The following CELSR1 variants were observed in gnomAD, a reference collection of about 807,000 sequenced individuals.
CELSR1 encodes cadherin EGF LAG seven-pass G-type receptor 1.
A neutral mutation model predicts 249.1 loss-of-function variants in CELSR1; 110 were observed. The observed-to-expected ratio is 0.44, with a 90% CI of 0.38 to 0.52. CELSR1 has a LOEUF of 0.52. Ranked by LOEUF, CELSR1 falls within the 20% of genes least tolerant of loss-of-function variation. CELSR1 has a pLI of 0.00. For missense variants in CELSR1, 4,109 were observed against 4,296.4 expected (o/e 0.96, Z 1.22); for synonymous variants, 2,113 against 1,900.0 (o/e 1.11, Z -2.92).
chr22:46,386,663 C>A (rs1186330381), intron 18 of CELSR1, 78 bp from the exon 19 acceptor site: 3 of 1,212,068 alleles, frequency 2.5e-6, no homozygotes, highest in African/African-American at 1.6e-5. Flanking sequence ...GCCCTGAAAG[C>A]CTTTGCTTGC....
intron 1 of CELSR1, among the ~76,000 whole-genome samples, chr22:46,476,868 G>A (rs1382062598): frequency 1.4e-5 from 2 of 140,078 alleles, no homozygotes; most frequent in Non-Finnish European, 3.1e-5. Context: ...GTTGCACATC[G>A]TGAATGTAAC....
rs992295507 is a variant in CELSR1 at position 46,446,161 on chromosome 22, C to T, written c.4184-6750G>A. On this transcript the variant is annotated intron_variant, in intron 2 of 34. Coordinates refer to ENST00000674500, the MANE Select transcript of CELSR1 (RefSeq NM_001378328.1). The surrounding 1 kb of genome is among the most constrained non-coding windows in gnomAD (Gnocchi z 5.5). Reference sequence around the variant, plus strand: ...CCACACCATACTCACGAGCCTGTGCCGGCCCCACTGTCTCCCTCCTCCCAG... The same window carrying T: ...CCACACCATACTCACGAGCCTGTGCTGGCCCCACTGTCTCCCTCCTCCCAG... Among the ~76,000 whole-genome samples the T allele has an allele frequency of 3.9e-5, 6 of 152,182 alleles. No homozygotes were observed. Among genetic ancestry groups the T allele is most frequent in the Non-Finnish European group, 7.4e-5 (5 of 68,026 alleles).
In CELSR1 at chr22:46,413,943, T is replaced by C. The variant is rs1183267405; in HGVS notation, c.4612-2184A>G. Reference sequence around the variant, plus strand: ...GAGACTACTGGAGGAAGGGCGTAAGTAGCATTTACACTGGGAAGGCTTTCA... The same window carrying C: ...GAGACTACTGGAGGAAGGGCGTAAGCAGCATTTACACTGGGAAGGCTTTCA... On this transcript the variant is annotated intron_variant, in intron 5 of 34. Coordinates refer to ENST00000674500, the MANE Select transcript of CELSR1 (RefSeq NM_001378328.1). The surrounding 1 kb of genome is among the most constrained non-coding windows in gnomAD (Gnocchi z 4.7). Among the ~76,000 whole-genome samples the C allele has an allele frequency of 1.3e-5, 2 of 152,164 alleles. No homozygotes were observed. Among genetic ancestry groups the C allele is most frequent in the Non-Finnish European group, 2.9e-5 (2 of 68,044 alleles).
At chr22:46,405,556 A>G (rs1232834599) in intron 9 of CELSR1, among the ~76,000 whole-genome samples, 2 of 152,082 alleles carry the variant, frequency 1.3e-5, no homozygotes, top group Admixed American at 6.6e-5. Flanking sequence ...AAGTGATGTT[A>G]TATCTACAAA....
chr22:46,498,249 CAAAAAAAAAAAAA>C (rs201495106), intron 1 of CELSR1, among the ~76,000 whole-genome samples: 1 of 57,826 alleles, frequency 1.7e-5, no homozygotes, highest in Non-Finnish European at 2.7e-5. Context: ...AACTCTGTCT[CAAAAAAAAAAAAA>C]AAAAAAAAAA....
rs1000436173 is a variant in CELSR1, at chr22:46,381,649, G to C, written c.7088+197C>G. 6.6e-6 allele frequency among the ~76,000 whole-genome samples: 1 copy of C among 152,316 alleles called. No homozygotes were observed. Among genetic ancestry groups the C allele is most frequent in the Non-Finnish European group, 1.5e-5 (1 of 68,022 alleles). ...AGGCAAAGGGTGTGCAATGTTCCAG[G>C]GTGTGGTATCCTGTGGCAGACCCAG... On this transcript the variant is annotated intron_variant, in intron 21 of 34. Coordinates refer to ENST00000674500, the MANE Select transcript of CELSR1 (RefSeq NM_001378328.1). This position sits in a 1 kb window ranked among gnomAD's most constrained non-coding sequence, Gnocchi z 6.0.
In CELSR1 at chr22:46,535,734, C is replaced by G. The variant is rs1673147553; in HGVS notation, c.1437G>C (p.Leu479=). 1 of 1,612,516 alleles carries G rather than the reference C, an allele frequency of 6.2e-7. No homozygotes were observed. The highest frequency in any genetic ancestry group is 1.1e-5 in the South Asian group (1 of 91,070). The change falls in exon 1 of 35, where the codon CTG becomes CTC. Residue 479 remains leucine, a synonymous_variant. Coordinates refer to ENST00000674500, the MANE Select transcript of CELSR1 (RefSeq NM_001378328.1). ...GGTCCCGGTCCGTGGCCTGCACTCG[C>G]AGCACAGCCGTGTTGAGCCCCACGT... The part of the protein sequence containing the change: ...PEDVGLNTAV[L]RVQATDRDQG...
rs558016566 is a variant in CELSR1 at position 46,391,735 on chromosome 22, C to T, written c.6046G>A (p.Asp2016Asn). 16 of 1,612,344 alleles carry T rather than the reference C, an allele frequency of 9.9e-6. No individual in the cohort carries two copies. The East Asian group carries it at 1.1e-4, about 11-fold the overall frequency. The change falls in exon 15 of 35, where the codon GAC becomes AAC. Residue 2016 changes from aspartate to asparagine, a missense_variant. Asp to Asn is a conservative substitution (Grantham distance 23). Coordinates refer to ENST00000674500, the MANE Select transcript of CELSR1 (RefSeq NM_001378328.1). This position sits in a 1 kb window ranked among gnomAD's most constrained non-coding sequence, Gnocchi z 4.3. ...FPHGSHSRTC[D>N]MATGQCACKP... The stretch of plus-strand genomic sequence containing the variant: ...CAGGCACACTGCCCGGTGGCCATGT[C>T]GCAAGTGCGGCTGTGGGAGCCATGG...
In CELSR1 at chr22:46,397,956, C is replaced by G. The variant is rs187737367; in HGVS notation, c.5527-108G>C. The G allele has an allele frequency of 3.2e-6, 3 of 945,262 alleles. No individual in the cohort carries two copies. In the Admixed American group the frequency reaches 1.1e-4, roughly 34 times the overall value. The allele number at this position is 945,262 out of a possible 1,614,324, so 58.6% of individuals were successfully genotyped here. A position where few individuals can be genotyped will look rare whatever the true frequency, so the allele number is the denominator to read the frequency against. ...CCTTGCGAGGCATTCATCTGTGATG[C>G]CTCATTTATCTACAGAGCTGGGGCG... On this transcript the variant is annotated intron_variant, in intron 11 of 34. Coordinates refer to ENST00000674500, the MANE Select transcript of CELSR1 (RefSeq NM_001378328.1).
At position 46,377,271 on chromosome 22, in the gene CELSR1, G is replaced by GC; in HGVS notation, c.7384-11_7384-10insG. The GC allele has an allele frequency of 6.2e-7, 1 of 1,613,584 alleles. No individual in the cohort carries two copies. ...GCAGGACCTCCCCGTTCTATGGGCA[G>GC]GAGGGTTAAAGGCAGGAGAGAAGGT... On this transcript the variant is annotated splice_polypyrimidine_tract_variant and intron_variant, in intron 23 of 34. Coordinates refer to ENST00000674500, the MANE Select transcript of CELSR1 (RefSeq NM_001378328.1).
Position 46,490,093 on chromosome 22 carries a change from A to G in CELSR1, c.3545-25748T>C, listed in dbSNP as rs1444573881. Among the ~76,000 whole-genome samples the G allele has an allele frequency of 6.6e-6, 1 of 152,100 alleles. No homozygotes were observed. Among genetic ancestry groups the G allele is most frequent in the Non-Finnish European group, 1.5e-5 (1 of 68,016 alleles). On this transcript the variant is annotated intron_variant, in intron 1 of 34. Coordinates refer to ENST00000674500, the MANE Select transcript of CELSR1 (RefSeq NM_001378328.1). The surrounding 1 kb of genome is among the most constrained non-coding windows in gnomAD (Gnocchi z 5.2). The stretch of plus-strand genomic sequence containing the variant: ...CAGAGACCCAGTGAGCCGCTTTCTG[A>G]GAACCAACGTTCCCAAGTGCAAAGT...
At position 46,530,693 on chromosome 22, in the gene CELSR1, T is replaced by G. The variant is rs1388497530; in HGVS notation, c.3544+2934A>C. On this transcript the variant is annotated intron_variant, in intron 1 of 34. Coordinates refer to ENST00000674500, the MANE Select transcript of CELSR1 (RefSeq NM_001378328.1). ...TTTTCAAAAAATGTTTTCTCCTTGGTGGGCTACATAAAACCACCAACAACT... is the reference window on the plus strand; with the variant it reads ...TTTTCAAAAAATGTTTTCTCCTTGGGGGGCTACATAAAACCACCAACAACT... Among the ~76,000 whole-genome samples, 3 of 152,374 alleles carry G rather than the reference T, an allele frequency of 2.0e-5. No homozygotes were observed. In the South Asian group the frequency reaches 6.2e-4, roughly 32 times the overall value.
chr22:46,399,733 T>C lies in CELSR1; in HGVS notation c.5396A>G (p.Asp1799Gly), dbSNP rs1172122991. The C allele has an allele frequency of 6.2e-7, 1 of 1,613,960 alleles. No homozygotes were observed. Among genetic ancestry groups the C allele is most frequent in the Non-Finnish European group, 8.5e-7 (1 of 1,179,874 alleles). The change falls in exon 10 of 35, where the codon GAC becomes GGC. Residue 1799 changes from aspartate to glycine, a missense_variant. By Grantham distance (94) the Asp-to-Gly change is moderately conservative (BLOSUM62 -1). Transcript: ENST00000674500. This position sits in a 1 kb window ranked among gnomAD's most constrained non-coding sequence, Gnocchi z 5.0. ...CCAGCTCACCTGGTCCATCCCATAGTCCAAGGTCATGGTGACCAGGTGCTT... is the reference window on the plus strand; with the variant it reads ...CCAGCTCACCTGGTCCATCCCATAGCCCAAGGTCATGGTGACCAGGTGCTT... The part of the protein sequence containing the change: ...EMKHLVTMTL[D>G]YGMDQNKADI...
In CELSR1 at chr22:46,378,596, G is replaced by A. The variant is rs767897444; in HGVS notation, c.7378C>T (p.Arg2460Cys). 30 of 1,570,068 alleles carry A rather than the reference G, an allele frequency of 1.9e-5. No individual in the cohort carries two copies. The highest frequency in any genetic ancestry group is 4.0e-5 in the African/African-American group (3 of 74,160). ...GGCCACGGGAGGATGCCCACCTCACGCCTGGAGATATCCATGAGCACCGCA... is the reference window on the plus strand; with the variant it reads ...GGCCACGGGAGGATGCCCACCTCACACCTGGAGATATCCATGAGCACCGCA... ...SFAVLMDISR[R>C]ENGEVLPLKI... Residue 2460 changes from arginine to cysteine, a missense_variant, in exon 23 of 35, where the codon CGT becomes TGT. Arg to Cys is a radical substitution (Grantham distance 180). Transcript: ENST00000674500.
rs770883912 is a variant in CELSR1, at chr22:46,439,322, C to T, written c.4273G>A (p.Gly1425Ser). The change falls in exon 3 of 35, where the codon GGC becomes AGC. Residue 1425 changes from glycine to serine, a missense_variant. Transcript: ENST00000674500. ...CCAGGAGGACACACGCAGTGGAAGC[C>T]GCCGATGAGCAGGTTCACGCAGGTG... ...GGTCVNLLIGGFHCVCPPGEY... is the reference protein window; with the variant it reads ...GGTCVNLLIGSFHCVCPPGEY... The T allele has an allele frequency of 6.2e-6, 10 of 1,613,952 alleles. No homozygotes were observed. The highest frequency in any genetic ancestry group is 3.3e-5 in the South Asian group (3 of 91,088).
chr22:46,388,120 G>A (rs552090291), intron 18 of CELSR1, among the ~76,000 whole-genome samples: 9 of 152,156 alleles, frequency 5.9e-5, no homozygotes, highest in South Asian at 2.1e-4. Flanking sequence ...TGGCTGAAGC[G>A]GGTGGATCAC....
intron 1 of CELSR1, among the ~76,000 whole-genome samples, chr22:46,479,872 G>T (rs903455083): frequency 1.3e-5 from 2 of 152,214 alleles, no homozygotes; most frequent in African/African-American, 4.8e-5. Context: ...CACTCTCAGG[G>T]AGTCAGCTCA....
intron 1 of CELSR1, among the ~76,000 whole-genome samples, chr22:46,523,204 C>T (rs922757802): frequency 6.6e-6 from 1 of 152,124 alleles, no homozygotes; most frequent in African/African-American, 2.4e-5. Context: ...AAAGAAGATA[C>T]AAAACTGTGA....
Position 46,533,834 on chromosome 22 carries a change from T to G in CELSR1, c.3337A>C (p.Thr1113Pro), listed in dbSNP as rs1349840252. The G allele has an allele frequency of 1.2e-6, 2 of 1,613,868 alleles. No homozygotes were observed. Among genetic ancestry groups the G allele is most frequent in the Admixed American group, 3.3e-5 (2 of 60,018 alleles). The change falls in exon 1 of 35, where the codon ACC (threonine) becomes CCC (proline). Residue 1113 changes from threonine to proline, a missense_variant. This residue lies in a region of CELSR1 where 886 missense variants were observed against 896.5 expected (regional missense o/e 0.99). Transcript: ENST00000674500. ...GTGGGGAAACTGTTGGACTTGTTGG[T>G]GACATAGTTGTTGAAGAGGATCTGG... Reference protein sequence around the residue: ...DFQILFNNYVTNKSNSFPTGV... With the variant: ...DFQILFNNYVPNKSNSFPTGV...
Sources: allele counts gnomAD v4.1 joint callset (sites outside exome capture counted in the v4.1 genomes callset), GRCh38; gene constraint gnomAD v4.1.1; regional missense constraint gnomAD v4.1.1; non-coding constraint Gnocchi (gnomAD v3.1); transcripts MANE v1.5; gene names NCBI Gene and HGNC (gene_info 2026-07-23, HGNC 2026-07-21).